The following ANK3 variants were observed in gnomAD, a reference collection of about 807,000 sequenced individuals.
The protein encoded by ANK3 is ankyrin 3.
In ANK3, 57 loss-of-function variants were observed where a neutral mutation model predicts 370.9. That is an observed-to-expected ratio of 0.15 (90% CI 0.12 to 0.19). ANK3 has a LOEUF of 0.19. Among genes scored for constraint, ANK3 ranks in the 10% least tolerant of loss-of-function variants. ANK3 has a pLI of 1.00. For synonymous variants in ANK3, 1,929 were observed against 1,946.3 expected, an observed-to-expected ratio of 0.99 and a Z score of 0.23; for missense variants, 4,439 against 5,302.1, an observed-to-expected ratio of 0.84 and a Z score of 5.06.
rs2092929768 is a variant in ANK3, at chr10:60,114,303, G to A, written c.2870C>T (p.Ser957Leu). The A allele has an allele frequency of 6.2e-7, 1 of 1,605,700 alleles. No individual in the cohort carries two copies. Among genetic ancestry groups the A allele is most frequent in the East Asian group, 2.3e-5 (1 of 44,386 alleles). ...QHLTFTREFD[S>L]DSLRHYSWAA... is the part of the protein sequence containing the mutation. ...CCAGCTGTAATGTCTAAGAGAATCT[G>A]AATCAAATTCCCTTGTGAATGTTAG... The change falls in exon 26 of 44, where the codon TCA becomes TTA. Residue 957 changes from serine to leucine, a missense_variant. Physicochemically the swap from Ser to Leu is moderately radical, Grantham distance 145. Transcript: ENST00000280772.
rs773836503 is a variant in ANK3, at chr10:60,069,438, T to G, written c.11443A>C (p.Thr3815Pro). The change falls in exon 37 of 44, where the codon ACT becomes CCT. Residue 3815 changes from threonine (T) to proline (P), a missense_variant. Physicochemically the swap from Thr to Pro is conservative, Grantham distance 38. This residue lies in a region of ANK3 where 496 missense variants were observed against 529.3 expected (regional missense o/e 0.94). Coordinates refer to ENST00000280772, the MANE Select transcript of ANK3 (RefSeq NM_020987.5). Reference sequence around the variant, plus strand: ...GGGTTATCTTTCTCTGTGGTACAAGTGGGTGCAGAATGTTCTGTCAGAACT... The same window carrying G: ...GGGTTATCTTTCTCTGTGGTACAAGGGGGTGCAGAATGTTCTGTCAGAACT... ...NIVLTEHSAP[T>P]CTTEKDNPVK... 1 of 1,614,144 alleles carries G rather than the reference T, an allele frequency of 6.2e-7. No individual in the cohort carries two copies. The highest frequency in any genetic ancestry group is 1.1e-5 in the South Asian group (1 of 91,074).
intron 2 of ANK3, among the ~76,000 whole-genome samples, chr10:60,462,174 CAA>C (rs1461479621): frequency 6.7e-6 from 1 of 150,346 alleles, no homozygotes. Context: ...TAACTGTTGA[CAA>C]AGTTAAAAAA....
intron 2 of ANK3, among the ~76,000 whole-genome samples, chr10:60,601,039 G>A (rs890081152): frequency 7.2e-5 from 11 of 152,110 alleles, no homozygotes; most frequent in African/African-American, 2.4e-4. Context: ...GGAGAGGTTA[G>A]ATTTTGGGAA....
intron 2 of ANK3, among the ~76,000 whole-genome samples, chr10:60,439,544 C>T (rs2064244745): frequency 6.6e-6 from 1 of 152,056 alleles, no homozygotes; most frequent in African/African-American, 2.4e-5. Context: ...AAAACACAGA[C>T]CGTGTTTGAG....
chr10:60,299,631 T>A (rs2043264284), intron 1 of ANK3, among the ~76,000 whole-genome samples: 1 of 152,152 alleles, frequency 6.6e-6, no homozygotes, highest in Non-Finnish European at 1.5e-5. Flanking sequence ...ATTAGGTGAA[T>A]CCCTCAGAAT....
At chr10:60,551,126 C>A (rs185258260) in intron 2 of ANK3, among the ~76,000 whole-genome samples, 1 of 152,092 alleles carries the variant, frequency 6.6e-6, no homozygotes, top group Admixed American at 6.5e-5. Flanking sequence ...TGTTTTCTTG[C>A]TTTTTCAATA....
chr10:60,505,008 A>T (rs1196709312), intron 2 of ANK3, among the ~76,000 whole-genome samples: 5 of 151,828 alleles, frequency 3.3e-5, no homozygotes, highest in East Asian at 3.9e-4. Flanking sequence ...GTAGTTATCT[A>T]AAAAAAACTC....
chr10:60,379,418 A>G (rs1014717445), intron 1 of ANK3, among the ~76,000 whole-genome samples: 22 of 152,138 alleles, frequency 1.4e-4, no homozygotes, highest in Admixed American at 3.3e-4. Context: ...CTGCACTCCT[A>G]TGTTTTTTTG....
At chr10:60,632,564 C>G (rs561466887) in intron 1 of ANK3, among the ~76,000 whole-genome samples, 1 of 152,212 alleles carries the variant, frequency 6.6e-6, no homozygotes, top group South Asian at 2.1e-4. Flanking sequence ...GACTGGGCAA[C>G]ACACTGAGAC....
intron 23 of ANK3, among the ~76,000 whole-genome samples, chr10:60,152,249 C>A (rs2095162339): frequency 6.6e-6 from 1 of 152,128 alleles, no homozygotes; most frequent in Non-Finnish European, 1.5e-5. Context: ...ACCCATGGGC[C>A]AAACCCAGCC....
rs180960029 is a variant in ANK3 at position 60,707,917 on chromosome 10, A to T, written c.57+25346T>A. ...GATTTATTCAACAAAAAGGAAAAAA[A>T]GGGAAACAAGGACACTCTGCAAAGT... On this transcript the variant is annotated intron_variant, in intron 1 of 43. Coordinates refer to the ANK3 transcript ENST00000373827. Among the ~76,000 whole-genome samples the T allele has an allele frequency of 7.9e-5, 12 of 152,322 alleles. No homozygotes were observed. The East Asian group carries it at 2.3e-3, about 29-fold the overall frequency.
chr10:60,545,051 G>A (rs936544364), intron 2 of ANK3, among the ~76,000 whole-genome samples: 5 of 140 alleles, frequency 0.036, no homozygotes, highest in Admixed American at 0.2. Flanking sequence ...TTTTAAAAAC[G>A]TTAAACAACC....
intron 1 of ANK3, among the ~76,000 whole-genome samples, chr10:60,325,317 G>A (rs1007610108): frequency 1.3e-5 from 2 of 152,164 alleles, no homozygotes; most frequent in Non-Finnish European, 2.9e-5. Flanking sequence ...CCTGTGAGAA[G>A]ATTACATCTC....
chr10:60,539,593 G>T (rs79769830), intron 2 of ANK3, among the ~76,000 whole-genome samples: 1,669 of 152,038 alleles, frequency 0.011, 36 homozygotes, highest in African/African-American at 0.038. Flanking sequence ...GCAGTTTGAA[G>T]GTAGGCGTGC....
intron 2 of ANK3, among the ~76,000 whole-genome samples, chr10:60,547,604 T>C (rs919947674): frequency 2.0e-5 from 3 of 151,706 alleles, no homozygotes; most frequent in Non-Finnish European, 2.9e-5. Context: ...CTCGAACTCC[T>C]GACCTGGTGA....
chr10:60,530,548 A>T (rs2076580898), intron 2 of ANK3, among the ~76,000 whole-genome samples: 1 of 151,938 alleles, frequency 6.6e-6, no homozygotes, highest in South Asian at 2.1e-4. Context: ...GAGGCACCTC[A>T]GGCACACGGG....
At chr10:60,408,973 C>A (rs1228287237) in intron 2 of ANK3, among the ~76,000 whole-genome samples, 2 of 152,168 alleles carry the variant, frequency 1.3e-5, no homozygotes, top group African/African-American at 2.4e-5. Context: ...AGTCATGGAG[C>A]AACGCTATCA....
At chr10:60,509,816 A>C (rs2153525) in intron 2 of ANK3, among the ~76,000 whole-genome samples, 112,753 of 152,036 alleles carry the variant, frequency 0.74, 41,836 homozygotes, top group South Asian at 0.88. Context: ...TAGATGAATT[A>C]TCTAAAACCA....
chr10:60,403,590 T>G (rs577358948), intron 2 of ANK3, among the ~76,000 whole-genome samples: 4 of 152,238 alleles, frequency 2.6e-5, no homozygotes, highest in Non-Finnish European at 5.9e-5. Flanking sequence ...TTTTATTTAT[T>G]TATTCATTTA....
Sources: gnomAD v4.1 joint callset for allele counts (sites outside exome capture counted in the v4.1 genomes callset) on GRCh38, gnomAD v4.1.1 for gene constraint, gnomAD v4.1.1 regional missense constraint, MANE v1.5 for transcripts, NCBI Gene and HGNC (gene_info 2026-07-23, HGNC 2026-07-21) for gene names.